PACRG: variants seen among roughly 807,000 people sequenced by gnomAD.
PACRG encodes the protein parkin coregulated gene protein.
In PACRG, 29 loss-of-function variants were observed where a neutral mutation model predicts 29.7. The ratio of observed to expected loss-of-function variants is 0.98; its 90% confidence interval spans 0.73 to 1.33. PACRG has a LOEUF of 1.33. Ranked by LOEUF, PACRG falls within the 40% of genes most tolerant of loss-of-function variation. PACRG has a pLI of 0.00. For synonymous variants in PACRG, 116 were observed against 118.7 expected, an observed-to-expected ratio of 0.98 and a Z score of 0.15; for missense variants, 279 against 316.2, an observed-to-expected ratio of 0.88 and a Z score of 0.89.
chr6:163,267,388 C>T lies in PACRG; in HGVS notation c.614-47439C>T, dbSNP rs533943503. On this transcript the variant is annotated intron_variant, in intron 4 of 4. Transcript: ENST00000366888. ...GTTGTTTAGTCAAGAAATGAGCCAA[C>T]GTACAAGAACAGAAGGCAGCCTGCT... is the stretch of plus-strand genomic sequence containing the variant. Among the ~76,000 whole-genome samples the T allele has an allele frequency of 6.6e-5, 10 of 152,318 alleles. No individual in the cohort carries two copies. The East Asian group carries it at 9.6e-4, about 15-fold the overall frequency.
chr6:162,940,391 CCTCT>C (rs145437947), intron 2 of PACRG, among the ~76,000 whole-genome samples: 1 of 150,526 alleles, frequency 6.6e-6, no homozygotes, highest in Non-Finnish European at 1.5e-5. Flanking sequence ...TCTCTCTCTC[CCTCT>C]CTCTCTCTCT....
At chr6:162,748,272 C>A (rs1176988281) in intron 1 of PACRG, among the ~76,000 whole-genome samples, 2 of 152,132 alleles carry the variant, frequency 1.3e-5, no homozygotes, top group African/African-American at 4.8e-5. Context: ...AGGCAGATCA[C>A]CTGAGGTCAG....
chr6:162,822,650 T>A (rs1483367788), intron 2 of PACRG, among the ~76,000 whole-genome samples: 1 of 152,174 alleles, frequency 6.6e-6, no homozygotes, highest in Non-Finnish European at 1.5e-5. Flanking sequence ...GATCTCTCTC[T>A]GTTCATTCAT....
chr6:163,289,310 G>A (rs1784501849), intron 4 of PACRG, among the ~76,000 whole-genome samples: 1 of 152,200 alleles, frequency 6.6e-6, no homozygotes, highest in Non-Finnish European at 1.5e-5. Flanking sequence ...AACCTAATCA[G>A]TTCCAAGATG....
intron 4 of PACRG, among the ~76,000 whole-genome samples, chr6:163,112,304 C>T (rs1286060190): frequency 6.6e-6 from 1 of 152,218 alleles, no homozygotes; most frequent in African/African-American, 2.4e-5. Context: ...TCCCCCAGTC[C>T]TATGGCAGGG....
At chr6:162,957,201 G>A in intron 2 of PACRG, 2 of 357,020 alleles carry the variant, frequency 5.6e-6, no homozygotes, top group East Asian at 6.1e-5. Flanking sequence ...GGATGTGTGG[G>A]GCCCAGCTTA....
rs569906328 is a variant in PACRG, at chr6:163,183,560, A to G, written c.613+94152A>G. 18 of 150,360 alleles carry G rather than the reference A, an allele frequency of 1.2e-4. No homozygotes were observed. The South Asian group carries it at 3.8e-3, about 32-fold the overall frequency. 9.3% of individuals were successfully genotyped at this position (150,360 alleles called of 1,614,324 possible). A position where few individuals can be genotyped will look rare whatever the true frequency, so the allele number is the denominator to read the frequency against. On this transcript the variant is annotated intron_variant, in intron 4 of 4. Transcript: ENST00000366888. ...AGCAGATTTAGAGGCCAAGCTGCCT[A>G]GAAGACATAGGGTTAAAGAAAAAAA...
intron 2 of PACRG, among the ~76,000 whole-genome samples, chr6:162,923,042 A>AT (rs918766169): frequency 6.6e-6 from 1 of 151,982 alleles, no homozygotes; most frequent in Non-Finnish European, 1.5e-5. Flanking sequence ...AGCATTTGTT[A>AT]TTTTTTTACT....
At chr6:162,866,174 A>G (rs997269491) in intron 2 of PACRG, among the ~76,000 whole-genome samples, 1 of 152,220 alleles carries the variant, frequency 6.6e-6, no homozygotes, top group Non-Finnish European at 1.5e-5. Flanking sequence ...TAATTAATCA[A>G]ATGGATTAAC....
At chr6:162,902,738 C>T (rs1795647041) in intron 2 of PACRG, among the ~76,000 whole-genome samples, 1 of 152,136 alleles carries the variant, frequency 6.6e-6, no homozygotes, top group Admixed American at 6.5e-5. Context: ...GTTTTCAGAT[C>T]AATTTTTTAG....
At chr6:163,232,967 C>T (rs887631515) in intron 4 of PACRG, among the ~76,000 whole-genome samples, 4 of 152,232 alleles carry the variant, frequency 2.6e-5, no homozygotes, top group East Asian at 1.9e-4. Context: ...ACACCAGGGC[C>T]GCATCCCTCT....
chr6:162,761,597 G>T (rs1367850889), intron 1 of PACRG, among the ~76,000 whole-genome samples: 1 of 152,080 alleles, frequency 6.6e-6, no homozygotes, highest in African/African-American at 2.4e-5. Flanking sequence ...TGAGTCACAA[G>T]GGTTAAGTGA....
At chr6:163,028,056 A>G (rs1043500875) in intron 2 of PACRG, among the ~76,000 whole-genome samples, 1 of 152,126 alleles carries the variant, frequency 6.6e-6, no homozygotes, top group Admixed American at 6.5e-5. Context: ...GGTGCTCTAG[A>G]TGCCAGCCAC....
At chr6:162,914,708 T>C (rs1472031767) in intron 2 of PACRG, among the ~76,000 whole-genome samples, 1 of 151,734 alleles carries the variant, frequency 6.6e-6, no homozygotes, top group African/African-American at 2.4e-5. Flanking sequence ...ATCTTTCAAT[T>C]ACTTAGGTCC....
At chr6:162,951,649 T>C (rs954894122) in intron 2 of PACRG, among the ~76,000 whole-genome samples, 1 of 152,232 alleles carries the variant, frequency 6.6e-6, no homozygotes, top group Admixed American at 6.5e-5. Context: ...AGCACCTCAG[T>C]TGGCCATGCA....
At chr6:163,149,018 G>C (rs1777953983) in intron 4 of PACRG, among the ~76,000 whole-genome samples, 2 of 137,454 alleles carry the variant, frequency 1.5e-5, no homozygotes, top group Middle Eastern at 7.9e-3. Flanking sequence ...AAAACAGTCA[G>C]GCCCTGCTGG....
intron 4 of PACRG, among the ~76,000 whole-genome samples, chr6:163,188,940 A>G: frequency 6.6e-6 from 1 of 152,200 alleles, no homozygotes; most frequent in East Asian, 1.9e-4. Context: ...AACGTGAAAA[A>G]CATCTTTTAC....
intron 4 of PACRG, among the ~76,000 whole-genome samples, chr6:163,216,706 A>C (rs1309170365): frequency 6.6e-6 from 1 of 152,330 alleles, no homozygotes; most frequent in East Asian, 1.9e-4. Context: ...CACAACGCAG[A>C]GATACAACTT....
intron 2 of PACRG, among the ~76,000 whole-genome samples, chr6:162,973,405 A>G (rs1348983722): frequency 6.6e-6 from 1 of 152,156 alleles, no homozygotes; most frequent in Non-Finnish European, 1.5e-5. Flanking sequence ...TTCATGCATG[A>G]TCACCTTCAG....
Sources: allele counts gnomAD v4.1 joint callset (sites outside exome capture counted in the v4.1 genomes callset), GRCh38; gene constraint gnomAD v4.1.1; transcripts MANE v1.5; gene names NCBI Gene and HGNC (gene_info 2026-07-23, HGNC 2026-07-21).